Variants in ELOC observed in about 807,000 individuals in gnomAD.
ELOC encodes the protein elongin-C.
For synonymous variants in ELOC, 40 were observed against 51.3 expected (o/e 0.78, Z 0.94); for missense variants, 38 against 139.0 (o/e 0.27, Z 3.65).
intron 2 of ELOC, 106 bp from the exon 3 acceptor site, chr8:73,956,160 G>A: frequency 1.9e-6 from 2 of 1,064,326 alleles, no homozygotes; most frequent in Non-Finnish European, 2.7e-6. Context: ...CAGCACTTTG[G>A]CAGGCCAATC....
chr8:73,955,299 T>A (rs1017204352), intron 3 of ELOC, among the ~76,000 whole-genome samples: 2 of 151,860 alleles, frequency 1.3e-5, no homozygotes, highest in African/African-American at 4.8e-5. Context: ...TGAAACCCCA[T>A]CTCTACTAAA....
rs368219105 is a variant in ELOC at position 73,955,936 on chromosome 8, C to T, written c.123G>A (p.Thr41=). Residue 41 remains threonine (T), a synonymous_variant, in exon 3 of 4, where the codon ACG becomes ACA. Coordinates refer to ENST00000520242, the MANE Select transcript of ELOC (RefSeq NM_005648.4). Reference sequence around the variant, plus strand: ...CTGGGCCACTCAACATGGCTTTTATCGTGCCTGATGTTAATGCATGTTCTC... The same window carrying T: ...CTGGGCCACTCAACATGGCTTTTATTGTGCCTGATGTTAATGCATGTTCTC... ...VKREHALTSG[T]IKAMLSGPGQ... The T allele has an allele frequency of 7.4e-6, 12 of 1,613,216 alleles. No individual in the cohort carries two copies. Among genetic ancestry groups the T allele is most frequent in the East Asian group, 2.2e-5 (1 of 44,888 alleles).
chr8:73,955,401 T>G (rs1255840295), intron 3 of ELOC: 1 of 152,908 alleles, frequency 6.5e-6, no homozygotes, highest in Non-Finnish European at 1.5e-5. Flanking sequence ...AGGTCAGGAG[T>G]TCGAGACCAG....
intron 2 of ELOC, among the ~76,000 whole-genome samples, chr8:73,958,360 T>C (rs1814351290): frequency 6.6e-6 from 1 of 152,200 alleles, no homozygotes; most frequent in Non-Finnish European, 1.5e-5. Context: ...TAAATGTTCA[T>C]CTATGTTACA....
chr8:73,946,933 C>T, intron 3 of ELOC, 113 bp from the exon 4 acceptor site: 1 of 822,560 alleles, frequency 1.2e-6, no homozygotes, highest in South Asian at 2.2e-5. Flanking sequence ...GAGATAAGTT[C>T]TTTAAAGAGG....
intron 3 of ELOC, among the ~76,000 whole-genome samples, chr8:73,953,989 GAATGA>G (rs1445791489): frequency 1.3e-5 from 2 of 152,288 alleles, no homozygotes; most frequent in East Asian, 1.9e-4. Context: ...ACATCTGGCT[GAATGA>G]AATATTATTC....
chr8:73,949,142 A>C (rs1813582521), intron 3 of ELOC, among the ~76,000 whole-genome samples: 1 of 152,202 alleles, frequency 6.6e-6, no homozygotes, highest in South Asian at 2.1e-4. Flanking sequence ...CACATCTACA[A>C]ATATACTTTG....
intron 3 of ELOC, chr8:73,955,449 T>C (rs557734989): frequency 6.0e-4 from 94 of 156,028 alleles, no homozygotes; most frequent in Non-Finnish European, 4.0e-4. Flanking sequence ...CTACTAAAAA[T>C]ACAAAAATTA....
chr8:73,964,064 G>C (rs1368321130), intron 1 of ELOC, among the ~76,000 whole-genome samples: 2 of 137,660 alleles, frequency 1.5e-5, no homozygotes, highest in African/African-American at 5.5e-5. Context: ...CTGCACTCCA[G>C]CCTGGGCGAT....
At chr8:73,956,973 C>T (rs1814233484) in intron 2 of ELOC, among the ~76,000 whole-genome samples, 1 of 151,852 alleles carries the variant, frequency 6.6e-6, no homozygotes, top group Non-Finnish European at 1.5e-5. Flanking sequence ...AGATCGAGAC[C>T]ATCCTGGCTA....
chr8:73,946,018 A>C lies in ELOC; in HGVS notation c.*612T>G, dbSNP rs1586586164. The C allele has an allele frequency of 6.6e-6, 1 of 151,350 alleles. No homozygotes were observed. Among genetic ancestry groups the C allele is most frequent in the East Asian group, 1.9e-4 (1 of 5,196 alleles). 9.4% of individuals were successfully genotyped at this position (151,350 alleles called of 1,614,324 possible). A position where few individuals can be genotyped will look rare whatever the true frequency, so the allele number is the denominator to read the frequency against. On this transcript the variant is annotated 3_prime_UTR_variant, in exon 4 of 4. Coordinates refer to ENST00000520242, the MANE Select transcript of ELOC (RefSeq NM_005648.4). The stretch of plus-strand genomic sequence containing the variant: ...GGCTACAGTTCAGTTTCTTCTGCAA[A>C]AGCTGTACCTAGTAACCTTCCAAAA...
In ELOC at chr8:73,971,077, A is replaced by T. The variant is rs1193745402; in HGVS notation, c.-51+1000T>A. 2.7e-5 allele frequency among the ~76,000 whole-genome samples: 4 copies of T among 150,490 alleles called. No individual in the cohort carries two copies. In the East Asian group the frequency reaches 5.9e-4, roughly 22 times the overall value. On this transcript the variant is annotated intron_variant, in intron 1 of 3. Transcript: ENST00000520242. Reference sequence around the variant, plus strand: ...GAAAAAGAAAAAAAGCAAATATGGCAGTTAAAAAGTGAGAAAGTGAGGTTT... The same window carrying T: ...GAAAAAGAAAAAAAGCAAATATGGCTGTTAAAAAGTGAGAAAGTGAGGTTT...
chr8:73,954,848 A>G (rs1228893148), intron 3 of ELOC, among the ~76,000 whole-genome samples: 1 of 150,948 alleles, frequency 6.6e-6, no homozygotes, highest in Non-Finnish European at 1.5e-5. Context: ...TCCGACCAAT[A>G]TGGTGAAAAC....
intron 3 of ELOC, among the ~76,000 whole-genome samples, chr8:73,954,859 C>T (rs1814044375): frequency 6.6e-6 from 1 of 150,916 alleles, no homozygotes; most frequent in African/African-American, 2.4e-5. Flanking sequence ...TGGTGAAAAC[C>T]CCGTCTCTAC....
chr8:73,959,011 G>C (rs1291480055), intron 2 of ELOC, among the ~76,000 whole-genome samples: 1 of 152,138 alleles, frequency 6.6e-6, no homozygotes, highest in Non-Finnish European at 1.5e-5. Context: ...TGTAACATGA[G>C]GGTAAGTATT....
intron 1 of ELOC, 78 bp from the exon 2 acceptor site, chr8:73,959,896 G>C: frequency 2.8e-6 from 2 of 702,182 alleles, no homozygotes; most frequent in African/African-American, 3.7e-5. Context: ...AATGTCCTTG[G>C]TGTTAAAAGT....
chr8:73,964,314 C>CA (rs1586616609), intron 1 of ELOC, among the ~76,000 whole-genome samples: 1 of 148,964 alleles, frequency 6.7e-6, no homozygotes, highest in African/African-American at 2.5e-5. Context: ...AGTCAAAGGT[C>CA]AAAGCGTATG....
At chr8:73,969,235 T>G (rs1333851699) in intron 1 of ELOC, among the ~76,000 whole-genome samples, 1 of 152,238 alleles carries the variant, frequency 6.6e-6, no homozygotes, top group East Asian at 1.9e-4. Flanking sequence ...CCTTCCTTTG[T>G]CTTCCCCATT....
rs1419896136 is a variant in ELOC at position 73,970,436 on chromosome 8, T to C, written c.-51+1641A>G. Reference sequence around the variant, plus strand: ...TGCCTATTATATTACAGAATTACCATCTGGCAATGCATACACGTGTATTTT... The same window carrying C: ...TGCCTATTATATTACAGAATTACCACCTGGCAATGCATACACGTGTATTTT... On this transcript the variant is annotated intron_variant, in intron 1 of 3. Coordinates refer to ENST00000520242, the MANE Select transcript of ELOC (RefSeq NM_005648.4). 3 of 152,300 alleles carry C rather than the reference T, an allele frequency of 2.0e-5. No homozygotes were observed. In the East Asian group the frequency reaches 5.8e-4, roughly 29 times the overall value. 9.4% of individuals were successfully genotyped at this position (152,300 alleles called of 1,614,324 possible). A position where few individuals can be genotyped will look rare whatever the true frequency, so the allele number is the denominator to read the frequency against.
Sources: gnomAD v4.1 joint callset for allele counts (sites outside exome capture counted in the v4.1 genomes callset) on GRCh38, gnomAD v4.1.1 for gene constraint, MANE v1.5 for transcripts, NCBI Gene and HGNC (gene_info 2026-07-23, HGNC 2026-07-21) for gene names.